RAPGEF2: variants seen among roughly 807,000 people sequenced by gnomAD.
The protein encoded by RAPGEF2 is Rap guanine nucleotide exchange factor 2, also known as PDZ domain containing guanine nucleotide exchange factor (GEF) 1.
Under a neutral mutation model 186.7 loss-of-function variants are expected in RAPGEF2, and 54 were observed. The ratio of observed to expected loss-of-function variants is 0.29; its 90% CI spans 0.23 to 0.36. The LOEUF is 0.36. RAPGEF2 is among the 10% of genes least tolerant of loss of function. The probability of loss-of-function intolerance (pLI) is 1.00; values close to 1 mark genes in which losing one functional copy is unlikely to be tolerated. For missense variants in RAPGEF2, 1,532 were observed against 2,045.0 expected (o/e 0.75, Z 4.84); for synonymous variants, 712 against 705.9 (o/e 1.01, Z -0.14).
intron 24 of RAPGEF2, 53 bp from the exon 25 acceptor site, chr4:159,346,736 C>A: frequency 7.0e-7 from 1 of 1,431,406 alleles, no homozygotes; most frequent in Non-Finnish European, 9.8e-7. Context: ...CTTCTACATA[C>A]CTACTAGCAT....
intron 11 of RAPGEF2, chr4:159,328,152 A>G (rs926563501): frequency 1.3e-5 from 2 of 152,170 alleles, no homozygotes; most frequent in Admixed American, 6.5e-5. Context: ...TGGAAATAAA[A>G]CCATTCTAAA....
chr4:159,220,756 T>C (rs1751456163), intron 4 of RAPGEF2, among the ~76,000 whole-genome samples: 2 of 152,182 alleles, frequency 1.3e-5, no homozygotes, highest in South Asian at 4.1e-4. Context: ...TTCAAAGGTG[T>C]GGGCTCTATT....
intron 1 of RAPGEF2, among the ~76,000 whole-genome samples, chr4:159,147,637 A>C (rs949629787): frequency 1.3e-5 from 2 of 152,254 alleles, no homozygotes; most frequent in Admixed American, 6.5e-5. Context: ...TTATGGTTAG[A>C]TGTCAGTGAT....
At position 159,355,877 on chromosome 4, in the gene RAPGEF2, A is replaced by AGCCGGCC; in HGVS notation, c.4679_4680insGGCCGCC (p.Pro1561AlafsTer16). On this transcript the variant is annotated frameshift_variant, in exon 29 of 30. Coordinates refer to ENST00000691494, the MANE Select transcript of RAPGEF2 (RefSeq NM_001394067.2). LOFTEE classifies it high-confidence loss of function. ...GCACGAAAGGAGGGCAGGTATCGAG[A>AGCCGGCC]GCCCCCGCCCACCCCTCCCGGCTAC... 1 of 1,546,312 alleles carries AGCCGGCC rather than the reference A, an allele frequency of 6.5e-7. No individual in the cohort carries two copies.
chr4:159,121,332 T>C (rs961170858), intron 1 of RAPGEF2, among the ~76,000 whole-genome samples: 2 of 148,392 alleles, frequency 1.3e-5, no homozygotes, highest in East Asian at 4.1e-4. Flanking sequence ...ACCTCTCCCC[T>C]CCCCTCCCCT....
chr4:159,174,518 T>A (rs914984832), intron 1 of RAPGEF2, among the ~76,000 whole-genome samples: 47 of 152,302 alleles, frequency 3.1e-4, no homozygotes, highest in Middle Eastern at 3.4e-3. Context: ...GTTTTGTAAT[T>A]TTTATGGCTA....
chr4:159,175,038 A>G (rs1746318106), intron 1 of RAPGEF2, among the ~76,000 whole-genome samples: 2 of 152,166 alleles, frequency 1.3e-5, no homozygotes, highest in South Asian at 2.1e-4. Flanking sequence ...TCAGCCATAC[A>G]TATGTCTTAA....
intron 7 of RAPGEF2, among the ~76,000 whole-genome samples, chr4:159,278,180 A>C (rs1579730526): frequency 1.3e-5 from 2 of 152,300 alleles, no homozygotes; most frequent in East Asian, 3.9e-4. Context: ...CAGTTTTCCC[A>C]GTACCATCTG....
chr4:159,338,872 A>G (rs1314506299), intron 18 of RAPGEF2, among the ~76,000 whole-genome samples: 1 of 152,198 alleles, frequency 6.6e-6, no homozygotes, highest in Admixed American at 6.5e-5. Context: ...CTTGAGTGCT[A>G]CTGTTGTGTA....
intron 4 of RAPGEF2, among the ~76,000 whole-genome samples, chr4:159,220,022 A>AG: frequency 6.6e-6 from 1 of 152,340 alleles, no homozygotes; most frequent in Non-Finnish European, 1.5e-5. Context: ...CTAGTGCTGC[A>AG]GGGACATTCA....
At chr4:159,198,298 CTT>C (rs1455714185) in intron 3 of RAPGEF2, among the ~76,000 whole-genome samples, 1,046 of 56,886 alleles carry the variant, frequency 0.018, 48 homozygotes, top group Middle Eastern at 0.062. Context: ...TTCTTTCTTT[CTT>C]TCTTTCTTTC....
At chr4:159,173,477 C>T (rs1239804920) in intron 1 of RAPGEF2, among the ~76,000 whole-genome samples, 1 of 151,994 alleles carries the variant, frequency 6.6e-6, no homozygotes, top group South Asian at 2.1e-4. Context: ...CCCTTTGTTG[C>T]GGAGATAGGA....
At chr4:159,182,386 C>CTTTTTTTTTTTTTTT (rs575743979) in intron 1 of RAPGEF2, among the ~76,000 whole-genome samples, 2 of 85,688 alleles carry the variant, frequency 2.3e-5, no homozygotes, top group African/African-American at 8.7e-5. Context: ...TTCTTTTCTT[C>CTTTTTTTTTTTTTTT]TTTTTTTTTT....
Position 159,353,664 on chromosome 4 carries a change from G to T in RAPGEF2, c.4269G>T (p.Thr1423=), listed in dbSNP as rs372056981. The T allele has an allele frequency of 2.5e-6, 4 of 1,586,376 alleles. No individual in the cohort carries two copies. The highest frequency in any genetic ancestry group is 8.6e-7 in the Non-Finnish European group (1 of 1,167,708). The change falls in exon 28 of 30, where the codon ACG becomes ACT. Residue 1423 remains threonine, a synonymous_variant. Coordinates refer to ENST00000691494, the MANE Select transcript of RAPGEF2 (RefSeq NM_001394067.2). The surrounding 1 kb of genome is among the most constrained non-coding windows in gnomAD (Gnocchi z 4.3). ...CSSGSHDNIQ[T]IQHQRSWETL... Reference sequence around the variant, plus strand: ...GTGGCTCCCATGATAATATACAGACGATCCAGCACCAGAGAAGCTGGGAGA... The same window carrying T: ...GTGGCTCCCATGATAATATACAGACTATCCAGCACCAGAGAAGCTGGGAGA...
At chr4:159,145,502 T>G (rs1225560138) in intron 1 of RAPGEF2, among the ~76,000 whole-genome samples, 1 of 152,064 alleles carries the variant, frequency 6.6e-6, no homozygotes, top group Non-Finnish European at 1.5e-5. Context: ...CCAAAAACAT[T>G]GCCAAAAACA....
At chr4:159,265,111 G>T (rs1301949050) in intron 7 of RAPGEF2, among the ~76,000 whole-genome samples, 2 of 152,152 alleles carry the variant, frequency 1.3e-5, no homozygotes, top group Non-Finnish European at 2.9e-5. Flanking sequence ...TAGTCTAGAG[G>T]ATTAAATGGG....
At chr4:159,121,773 G>A (rs906556323) in intron 1 of RAPGEF2, among the ~76,000 whole-genome samples, 3 of 151,934 alleles carry the variant, frequency 2.0e-5, no homozygotes, top group Non-Finnish European at 4.4e-5. Flanking sequence ...GCTCATGCCT[G>A]TAATCGCAGC....
intron 1 of RAPGEF2, among the ~76,000 whole-genome samples, chr4:159,127,258 C>G (rs1019674565): frequency 6.6e-6 from 1 of 152,192 alleles, no homozygotes; most frequent in Non-Finnish European, 1.5e-5. Flanking sequence ...AATTCCTGAC[C>G]TCAGGTGATC....
intron 7 of RAPGEF2, among the ~76,000 whole-genome samples, chr4:159,283,541 TATATC>T (rs1175432346): frequency 1.7e-4 from 26 of 152,278 alleles, no homozygotes; most frequent in Admixed American, 6.5e-4. Context: ...TATTTTATCT[TATATC>T]ATAAACATGA....
Sources: allele counts gnomAD v4.1 joint callset (sites outside exome capture counted in the v4.1 genomes callset), GRCh38; gene constraint gnomAD v4.1.1; non-coding constraint Gnocchi (gnomAD v3.1); transcripts MANE v1.5; gene names NCBI Gene and HGNC (gene_info 2026-07-23, HGNC 2026-07-21).